The following MTTP variants were observed in gnomAD, a reference collection of about 807,000 sequenced individuals.
The protein encoded by MTTP is microsomal triglyceride transfer protein large subunit.
Under a neutral mutation model 90.6 loss-of-function variants are expected in MTTP, and 49 were observed. That is an observed-to-expected ratio of 0.54 (90% CI 0.43 to 0.69). The LOEUF (loss-of-function observed/expected upper bound fraction) is 0.69. MTTP is among the 30% of genes least tolerant of loss of function. The probability of loss-of-function intolerance (pLI) is 0.00; values close to 1 mark genes in which losing one functional copy is unlikely to be tolerated. For synonymous variants in MTTP, 347 were observed against 384.2 expected (o/e 0.90, Z 1.13); for missense variants, 945 against 1,067.5 (o/e 0.89, Z 1.60).
chr4:99,570,236 T>G (rs1009629966), upstream of MTTP, among the ~76,000 whole-genome samples: 1 of 152,002 alleles, frequency 6.6e-6, no homozygotes, highest in Non-Finnish European at 1.5e-5. Context: ...CTGGAAAATC[T>G]CTATTTCAAG....
intron 1 of MTTP, among the ~76,000 whole-genome samples, chr4:99,568,627 A>G (rs1421079027): frequency 3.3e-5 from 5 of 152,122 alleles, no homozygotes; most frequent in Non-Finnish European, 7.4e-5. Context: ...TGGAGAAATG[A>G]GTGATTCTAA....
chr4:99,570,989 G>C, upstream of MTTP: 1 of 297,340 alleles, frequency 3.4e-6, no homozygotes, highest in Non-Finnish European at 6.8e-6. Context: ...TAAATCTGCT[G>C]TTTTAAGCCA....
At chr4:99,570,892 C>T, upstream of MTTP, 1 of 410,238 alleles carries the variant, frequency 2.4e-6, no homozygotes. Context: ...CCCCTAAAGC[C>T]TCCAGAAAGG....
At chr4:99,608,704 C>A in intron 11 of MTTP, 62 bp from the exon 12 acceptor site, 1 of 1,223,484 alleles carries the variant, frequency 8.2e-7, no homozygotes, top group Non-Finnish European at 1.2e-6. Context: ...TCCTGCTATT[C>A]CTGCTGAAAT....
intron 1 of MTTP, chr4:99,564,334 A>C: frequency 8.6e-7 from 1 of 1,162,552 alleles, no homozygotes; most frequent in South Asian, 1.6e-5. Flanking sequence ...AATGAGAGAA[A>C]AACATCTCTT....
At chr4:99,615,914 T>G (rs971749777) in intron 15 of MTTP, among the ~76,000 whole-genome samples, 1 of 152,218 alleles carries the variant, frequency 6.6e-6, no homozygotes, top group Admixed American at 6.5e-5. Flanking sequence ...TTCTAATAAC[T>G]TTTTCCTCTA....
upstream of MTTP, chr4:99,570,612 C>T: frequency 2.2e-6 from 1 of 444,540 alleles, no homozygotes; most frequent in Non-Finnish European, 4.5e-6. Flanking sequence ...TCTCCAGAAC[C>T]TGTGATAGTC....
chr4:99,615,952 T>C (rs1264310638), intron 15 of MTTP, among the ~76,000 whole-genome samples: 1 of 152,204 alleles, frequency 6.6e-6, no homozygotes, highest in Non-Finnish European at 1.5e-5. Context: ...TAAATAAATA[T>C]GCACTCTGGG....
chr4:99,564,320 T>C, intron 1 of MTTP: 1 of 1,340,720 alleles, frequency 7.5e-7, no homozygotes, highest in Non-Finnish European at 1.0e-6. Flanking sequence ...TTTTCTGTGT[T>C]GAAAATGAGA....
At position 99,621,269 on chromosome 4, in the gene MTTP, C is replaced by T. The variant is rs13306570; in HGVS notation, c.2513+38C>T. 1.7e-4 allele frequency: 269 copies of T among 1,603,634 alleles called. 3 individuals are homozygous for T. In the East Asian group the frequency reaches 5.5e-3, roughly 33 times the overall value. On this transcript the variant is annotated intron_variant, in intron 17 of 17. Transcript: ENST00000265517. ...GTTCAGGTCATGTTCCAGGACCATCCCCAGTGCACCAGGAACTTGCATTCA... is the reference window on the plus strand; with the variant it reads ...GTTCAGGTCATGTTCCAGGACCATCTCCAGTGCACCAGGAACTTGCATTCA...
intron 3 of MTTP, among the ~76,000 whole-genome samples, chr4:99,588,594 CT>C (rs1258583322): frequency 6.6e-6 from 1 of 151,594 alleles, no homozygotes; most frequent in Non-Finnish European, 1.5e-5. Flanking sequence ...TTTCAACCTC[CT>C]TTCTCTGCCT....
At chr4:99,595,656 C>A (rs1053067802) in intron 7 of MTTP, 1 of 151,900 alleles carries the variant, frequency 6.6e-6, no homozygotes, top group Non-Finnish European at 1.5e-5. Context: ...AAGTACAAGA[C>A]AGTAATTGCT....
intron 1 of MTTP, among the ~76,000 whole-genome samples, chr4:99,575,337 G>A (rs1724930919): frequency 6.6e-6 from 1 of 152,062 alleles, no homozygotes; most frequent in African/African-American, 2.4e-5. Context: ...TTGTAAATGA[G>A]GATTTTTTTT....
intron 8 of MTTP, among the ~76,000 whole-genome samples, chr4:99,599,606 G>A (rs75814498): frequency 0.03 from 4,537 of 152,224 alleles, 98 homozygotes; most frequent in Middle Eastern, 0.054. Context: ...GTTTTACAGA[G>A]ATAACATAAT....
Position 99,613,157 on chromosome 4 carries a change from G to T in MTTP, c.2217+17G>T, listed in dbSNP as rs747835905. The T allele has an allele frequency of 6.2e-7, 1 of 1,600,328 alleles. No homozygotes were observed. On this transcript the variant is annotated intron_variant, in intron 15 of 17. Transcript: ENST00000265517. ...CATTCTCAGGTAATTCATTCAGTCTGTGAGTATTTATTGAGTCCCTAAAAT... is the reference window on the plus strand; with the variant it reads ...CATTCTCAGGTAATTCATTCAGTCTTTGAGTATTTATTGAGTCCCTAAAAT...
chr4:99,576,469 G>T (rs1487317462), intron 1 of MTTP, among the ~76,000 whole-genome samples: 5 of 151,942 alleles, frequency 3.3e-5, no homozygotes, highest in Admixed American at 2.6e-4. Context: ...GCCGAGGCGG[G>T]CGGATCACGA....
chr4:99,600,209 C>T (rs1725659370), intron 8 of MTTP, among the ~76,000 whole-genome samples: 1 of 151,972 alleles, frequency 6.6e-6, no homozygotes, highest in Non-Finnish European at 1.5e-5. Flanking sequence ...GGACCCATAG[C>T]TTTTATGTAT....
At chr4:99,570,661 A>G (rs1411056662), upstream of MTTP, 1 of 455,468 alleles carries the variant, frequency 2.2e-6, no homozygotes, top group East Asian at 6.9e-5. Flanking sequence ...TTACCAATCC[A>G]CAGACCTCAG....
At chr4:99,610,508 G>A (rs1350450130) in intron 12 of MTTP, among the ~76,000 whole-genome samples, 2 of 152,108 alleles carry the variant, frequency 1.3e-5, no homozygotes, top group African/African-American at 4.8e-5. Flanking sequence ...TTGCTATGTT[G>A]TCATAATGTT....
Sources: gnomAD v4.1 joint callset for allele counts (sites outside exome capture counted in the v4.1 genomes callset) on GRCh38, gnomAD v4.1.1 for gene constraint, MANE v1.5 for transcripts, NCBI Gene and HGNC (gene_info 2026-07-23, HGNC 2026-07-21) for gene names.